ARMC2: variants seen among roughly 807,000 people sequenced by gnomAD.
The protein encoded by ARMC2 is armadillo repeat-containing protein 2.
A neutral mutation model predicts 90.3 loss-of-function variants in ARMC2; 67 were observed. That is an observed-to-expected ratio of 0.74 (90% CI 0.61 to 0.91). The LOEUF is 0.91. Among genes scored for constraint, ARMC2 ranks in the 40% least tolerant of loss-of-function variants. ARMC2 has a pLI of 0.00. For missense variants in ARMC2, 920 were observed against 1,030.9 expected, an observed-to-expected ratio of 0.89 and a Z score of 1.47; for synonymous variants, 393 against 393.0, an observed-to-expected ratio of 1.00 and a Z score of 0.00.
At chr6:108,880,538 G>A (rs572302018) in intron 5 of ARMC2, among the ~76,000 whole-genome samples, 1 of 152,152 alleles carries the variant, frequency 6.6e-6, no homozygotes, top group African/African-American at 2.4e-5. Context: ...GAGGGAAGTG[G>A]TACATAAACA....
intron 12 of ARMC2, among the ~76,000 whole-genome samples, chr6:108,941,726 A>G (rs1417267117): frequency 6.6e-6 from 1 of 152,182 alleles, no homozygotes; most frequent in African/African-American, 2.4e-5. Flanking sequence ...TGTGCTTGGA[A>G]CAAAGTTTAC....
chr6:108,854,223 A>G lies in ARMC2; in HGVS notation c.-43-2A>G. 1 of 1,422,788 alleles carries G rather than the reference A, an allele frequency of 7.0e-7. No individual in the cohort carries two copies. The highest frequency in any genetic ancestry group is 9.7e-7 in the Non-Finnish European group (1 of 1,032,882). The allele number at this position is 1,422,788 out of a possible 1,614,324, so 88.1% of individuals were successfully genotyped here. Reference sequence around the variant, plus strand: ...GATGGTTTTTGTACCATGTATTTGCAGGGTGTGGTGTCTATCTGAAGAATA... The same window carrying G: ...GATGGTTTTTGTACCATGTATTTGCGGGGTGTGGTGTCTATCTGAAGAATA... On this transcript the variant is annotated splice_acceptor_variant, in intron 1 of 17. Transcript: ENST00000392644. LOFTEE classifies it low-confidence loss of function (5UTR_SPLICE).
rs117808147 is a variant in ARMC2, at chr6:108,886,284, C to T, written c.672-8183C>T. On this transcript the variant is annotated intron_variant, in intron 5 of 17. Coordinates refer to ENST00000392644, the MANE Select transcript of ARMC2 (RefSeq NM_032131.6). ...ATAAACAAACTACAGCCAGCCAGGT[C>T]CGGTGGCTCACGCCTGTAATCCCAG... 1.2e-3 allele frequency among the ~76,000 whole-genome samples: 190 copies of T among 152,252 alleles called. 2 individuals carry two copies. The East Asian group carries it at 0.018, about 14-fold the overall frequency.
At position 108,872,410 on chromosome 6, in the gene ARMC2, C is replaced by T. The variant is rs994948793; in HGVS notation, c.463+3415C>T. On this transcript the variant is annotated intron_variant, in intron 4 of 17. Coordinates refer to ENST00000392644, the MANE Select transcript of ARMC2 (RefSeq NM_032131.6). ...CTGTCACACTCTCCGTCACCAAGCC[C>T]TACACGTGCTTCCTGACTAGCTCTC... 4.3e-4 allele frequency among the ~76,000 whole-genome samples: 65 copies of T among 152,212 alleles called. 1 individual carries two copies. The highest frequency in any genetic ancestry group is 1.4e-3 in the Admixed American group (21 of 15,288).
intron 10 of ARMC2, among the ~76,000 whole-genome samples, chr6:108,913,264 T>A (rs772847839): frequency 2.9e-4 from 44 of 152,232 alleles, no homozygotes; most frequent in Middle Eastern, 3.2e-3. Context: ...GGATTCGAAA[T>A]GTGTTTGTCA....
chr6:108,882,054 G>T (rs1161826991), intron 5 of ARMC2, among the ~76,000 whole-genome samples: 2 of 151,824 alleles, frequency 1.3e-5, no homozygotes, highest in Admixed American at 1.3e-4. Context: ...ATCACAGAAG[G>T]TATTACCTTC....
chr6:108,937,081 T>A (rs2768558), intron 12 of ARMC2, 82 bp downstream of exon 12: 5 of 1,243,764 alleles, frequency 4.0e-6, no homozygotes, highest in Non-Finnish European at 5.6e-6. Context: ...GTCTTTATGT[T>A]TTGAGTATAT....
At chr6:109,005,207 A>G in the ARMC2 span, among the ~76,000 whole-genome samples, 1 of 152,244 alleles carries the variant, frequency 6.6e-6, no homozygotes, top group African/African-American at 2.4e-5. Context: ...AAAGTTCAGC[A>G]TGACCATATA....
At chr6:108,925,889 G>A (rs926909061) in intron 10 of ARMC2, among the ~76,000 whole-genome samples, 1 of 152,168 alleles carries the variant, frequency 6.6e-6, no homozygotes, top group African/African-American at 2.4e-5. Context: ...CAAATGACAT[G>A]TCACATATAA....
intron 10 of ARMC2, among the ~76,000 whole-genome samples, chr6:108,925,366 A>G (rs967346527): frequency 1.1e-4 from 17 of 152,320 alleles, no homozygotes; most frequent in African/African-American, 4.1e-4. Context: ...ATAAATGCCT[A>G]TTGAGCGCCC....
chr6:108,967,182 C>T (rs1453122493), intron 17 of ARMC2, among the ~76,000 whole-genome samples: 1 of 152,226 alleles, frequency 6.6e-6, no homozygotes. Context: ...ACTTGCTGCC[C>T]TCCCTGTGTC....
intron 14 of ARMC2, 75 bp from the exon 15 acceptor site, chr6:108,961,939 A>G (rs1272314777): frequency 2.7e-6 from 3 of 1,103,910 alleles, no homozygotes; most frequent in South Asian, 1.4e-5. Flanking sequence ...AGTATTAAGT[A>G]TGATGTTGAT....
At chr6:108,971,780 G>C (rs954212815) in intron 17 of ARMC2, among the ~76,000 whole-genome samples, 13 of 152,052 alleles carry the variant, frequency 8.5e-5, no homozygotes, top group African/African-American at 3.1e-4. Context: ...AATTAGCTGG[G>C]TGTGGTGGCA....
At chr6:109,035,496 G>A in the ARMC2 span, among the ~76,000 whole-genome samples, 16 of 151,832 alleles carry the variant, frequency 1.1e-4, no homozygotes, top group Middle Eastern at 3.4e-3. Context: ...TAGGAAATAA[G>A]GTGTTCAGGA....
intron 7 of ARMC2, among the ~76,000 whole-genome samples, chr6:108,901,704 A>G (rs1772177219): frequency 6.6e-6 from 1 of 152,178 alleles, no homozygotes; most frequent in Non-Finnish European, 1.5e-5. Context: ...GGTGTGAGCC[A>G]CTGAGCCGGC....
chr6:108,900,578 C>G (rs1384323089), intron 7 of ARMC2, among the ~76,000 whole-genome samples: 5 of 152,178 alleles, frequency 3.3e-5, no homozygotes. Context: ...CTAAGAGAAG[C>G]AGGGTAAATG....
At chr6:108,887,010 C>G (rs905195607) in intron 5 of ARMC2, among the ~76,000 whole-genome samples, 5 of 151,692 alleles carry the variant, frequency 3.3e-5, no homozygotes, top group Non-Finnish European at 7.4e-5. Flanking sequence ...CAGGTTCAAG[C>G]AATTCTCTTG....
At chr6:108,988,577 T>C in the ARMC2 span, 20 of 1,612,972 alleles carry the variant, frequency 1.2e-5, no homozygotes, top group Admixed American at 1.7e-5. Context: ...CCAGAAGCTA[T>C]CATACATTCT....
chr6:108,958,210 C>T lies in ARMC2; in HGVS notation c.1916-3362C>T, dbSNP rs1007017887. Among the ~76,000 whole-genome samples the T allele has an allele frequency of 2.6e-5, 4 of 152,252 alleles. No homozygotes were observed. The East Asian group carries it at 7.7e-4, about 29-fold the overall frequency. ...AGACACCAGAGCCTGACCATGCAGC[C>T]TCCCTGATCTTGGACTTCCAGCCTC... On this transcript the variant is annotated intron_variant, in intron 13 of 17. Transcript: ENST00000392644.
Sources: allele counts gnomAD v4.1 joint callset (sites outside exome capture counted in the v4.1 genomes callset), GRCh38; gene constraint gnomAD v4.1.1; transcripts MANE v1.5; gene names NCBI Gene and HGNC (gene_info 2026-07-23, HGNC 2026-07-21).